Variants in CNTNAP5 observed in about 807,000 individuals in gnomAD.
The protein encoded by CNTNAP5 is contactin associated protein family member 5, also known as contactin-associated protein-like 5.
A neutral mutation model predicts 150.2 loss-of-function variants in CNTNAP5; 72 were observed. The ratio of observed to expected loss-of-function variants is 0.48; its 90% CI spans 0.40 to 0.58. The LOEUF is 0.58. CNTNAP5 is among the 20% of genes least tolerant of loss of function. CNTNAP5 has a pLI of 0.00. For synonymous variants in CNTNAP5, 672 were observed against 619.8 expected (o/e 1.08, Z -1.25); for missense variants, 1,636 against 1,626.2 (o/e 1.01, Z -0.10).
Position 124,597,692 on chromosome 2 carries a change from C to T in CNTNAP5, c.1757-12109C>T, listed in dbSNP as rs1406467022. 6.6e-5 allele frequency among the ~76,000 whole-genome samples: 10 copies of T among 151,568 alleles called. No homozygotes were observed. The East Asian group carries it at 1.4e-3, about 21-fold the overall frequency. ...TTTCCTGAATCTGAACGTTGGCCTGCCTTGCTAGATTGGAGAAGTTCTCCT... is the reference window on the plus strand; with the variant it reads ...TTTCCTGAATCTGAACGTTGGCCTGTCTTGCTAGATTGGAGAAGTTCTCCT... On this transcript the variant is annotated intron_variant, in intron 11 of 23. Transcript: ENST00000682447.
intron 4 of CNTNAP5, among the ~76,000 whole-genome samples, chr2:124,418,658 T>C (rs1021019559): frequency 3.3e-5 from 5 of 152,090 alleles, no homozygotes; most frequent in Admixed American, 2.6e-4. Flanking sequence ...AAGAATATGG[T>C]TTAGAACAGA....
At chr2:124,603,550 T>C (rs1697032714) in intron 11 of CNTNAP5, among the ~76,000 whole-genome samples, 1 of 152,230 alleles carries the variant, frequency 6.6e-6, no homozygotes, top group Non-Finnish European at 1.5e-5. Context: ...AGGATGATTT[T>C]CAAATTCTAT....
At chr2:124,814,713 C>T (rs535909964) in intron 19 of CNTNAP5, among the ~76,000 whole-genome samples, 2 of 152,170 alleles carry the variant, frequency 1.3e-5, no homozygotes, top group South Asian at 4.1e-4. Context: ...TGGCTAACAA[C>T]CTTGCTTAAA....
At chr2:124,623,530 A>G (rs1677659729) in intron 12 of CNTNAP5, among the ~76,000 whole-genome samples, 1 of 152,206 alleles carries the variant, frequency 6.6e-6, no homozygotes, top group Admixed American at 6.5e-5. Context: ...CTCCATCTTT[A>G]TACTTTAGTT....
intron 1 of CNTNAP5, among the ~76,000 whole-genome samples, chr2:124,187,104 C>T (rs1434713093): frequency 1.3e-5 from 2 of 152,128 alleles, no homozygotes; most frequent in Non-Finnish European, 2.9e-5. Context: ...CAGCTTCTTT[C>T]TTCCCTACTC....
chr2:124,612,511 CCAA>C (rs1312690705), intron 12 of CNTNAP5, among the ~76,000 whole-genome samples: 3 of 152,084 alleles, frequency 2.0e-5, no homozygotes, highest in African/African-American at 7.2e-5. Flanking sequence ...GCCTCACCAT[CCAA>C]CAGCCTTCTC....
intron 1 of CNTNAP5, among the ~76,000 whole-genome samples, chr2:124,161,593 T>C (rs531693528): frequency 6.6e-6 from 1 of 152,316 alleles, no homozygotes; most frequent in East Asian, 1.9e-4. Flanking sequence ...AATACACTGA[T>C]ATATTACTTA....
At chr2:124,591,344 T>C (rs1236014469) in intron 11 of CNTNAP5, among the ~76,000 whole-genome samples, 1 of 152,156 alleles carries the variant, frequency 6.6e-6, no homozygotes, top group Non-Finnish European at 1.5e-5. Context: ...TCATATACAG[T>C]GGATGGTAAT....
intron 1 of CNTNAP5, among the ~76,000 whole-genome samples, chr2:124,203,197 C>G (rs1263635264): frequency 6.6e-6 from 1 of 152,130 alleles, no homozygotes; most frequent in South Asian, 2.1e-4. Context: ...CAAAATCCAG[C>G]AGGGGAATCA....
intron 10 of CNTNAP5, among the ~76,000 whole-genome samples, chr2:124,559,829 C>A (rs574270218): frequency 1.3e-5 from 2 of 152,292 alleles, no homozygotes; most frequent in African/African-American, 2.4e-5. Context: ...CAAGCGTCTT[C>A]TTTACAGATG....
chr2:124,841,003 G>T (rs893689682), intron 19 of CNTNAP5, among the ~76,000 whole-genome samples: 2 of 152,016 alleles, frequency 1.3e-5, no homozygotes, highest in South Asian at 4.1e-4. Flanking sequence ...ATATTGAGTG[G>T]TGCACATGAG....
At chr2:124,558,123 T>C (rs1325839772) in intron 10 of CNTNAP5, among the ~76,000 whole-genome samples, 2 of 152,140 alleles carry the variant, frequency 1.3e-5, no homozygotes, top group South Asian at 4.1e-4. Context: ...GGGAATTAAC[T>C]GAAGGGGTCA....
chr2:124,828,653 C>G (rs1273578102), intron 19 of CNTNAP5, among the ~76,000 whole-genome samples: 2 of 133,914 alleles, frequency 1.5e-5, no homozygotes, highest in Admixed American at 8.7e-5. Flanking sequence ...AATGGCTTCT[C>G]TATAAGTATA....
intron 13 of CNTNAP5, among the ~76,000 whole-genome samples, chr2:124,667,567 C>A (rs1388013313): frequency 6.6e-6 from 1 of 152,174 alleles, no homozygotes; most frequent in Non-Finnish European, 1.5e-5. Flanking sequence ...CAGGGCAATG[C>A]TAATTTCATT....
At chr2:124,229,045 G>A (rs975272667) in intron 2 of CNTNAP5, among the ~76,000 whole-genome samples, 11 of 152,102 alleles carry the variant, frequency 7.2e-5, no homozygotes, top group African/African-American at 2.7e-4. Context: ...TAAAGGACTA[G>A]GGAACACTTT....
chr2:124,314,904 T>G (rs568273302), intron 3 of CNTNAP5, among the ~76,000 whole-genome samples: 1 of 152,254 alleles, frequency 6.6e-6, no homozygotes, highest in Admixed American at 6.5e-5. Context: ...GTTTCAAAAT[T>G]TCTTTTAATA....
chr2:124,204,621 C>T (rs992542949), intron 1 of CNTNAP5, among the ~76,000 whole-genome samples: 3 of 152,104 alleles, frequency 2.0e-5, no homozygotes, highest in Admixed American at 6.6e-5. Context: ...GCTGGAAAGG[C>T]CTCACAATCA....
intron 19 of CNTNAP5, among the ~76,000 whole-genome samples, chr2:124,810,473 G>C (rs1366450869): frequency 6.6e-6 from 1 of 152,122 alleles, no homozygotes; most frequent in Non-Finnish European, 1.5e-5. Context: ...GAGGACACAG[G>C]AGGACAGTTA....
chr2:124,167,928 G>A (rs1376098728), intron 1 of CNTNAP5, among the ~76,000 whole-genome samples: 1 of 152,098 alleles, frequency 6.6e-6, no homozygotes, highest in Non-Finnish European at 1.5e-5. Context: ...AGGAAATGTA[G>A]GGAGGAAGAG....
Sources: gnomAD v4.1 joint callset for allele counts (sites outside exome capture counted in the v4.1 genomes callset) on GRCh38, gnomAD v4.1.1 for gene constraint, MANE v1.5 for transcripts, NCBI Gene and HGNC (gene_info 2026-07-23, HGNC 2026-07-21) for gene names.